The following CUL5 variants were observed in gnomAD, a reference collection of about 807,000 sequenced individuals.
The protein encoded by CUL5 is cullin 5.
In CUL5, 26 loss-of-function variants were observed where a neutral mutation model predicts 108.8. The observed-to-expected ratio is 0.24, with a 90% CI of 0.18 to 0.33. The LOEUF (loss-of-function observed/expected upper bound fraction) is 0.33, where lower values mean the gene tolerates loss of function less well. Among genes scored for constraint, CUL5 ranks in the 10% least tolerant of loss-of-function variants. The pLI is 1.00. For synonymous variants in CUL5, 334 were observed against 298.0 expected, an observed-to-expected ratio of 1.12 and a Z score of -1.25; for missense variants, 524 against 909.2, an observed-to-expected ratio of 0.58 and a Z score of 5.45.
chr11:108,105,111 A>G lies in CUL5; in HGVS notation c.*727A>G, dbSNP rs1229351588. 1.3e-5 allele frequency: 2 copies of G among 152,254 alleles called. No homozygotes were observed. The highest frequency in any genetic ancestry group is 4.8e-5 in the African/African-American group (2 of 41,368). 9.4% of individuals were successfully genotyped at this position (152,254 alleles called of 1,614,324 possible). A position where few individuals can be genotyped will look rare whatever the true frequency, so the allele number is the denominator to read the frequency against. ...ATGGCTGGAAAGCTTGTTTTGAAAAATGAAGCTTATATTAATTGTTGCTTC... is the reference window on the plus strand; with the variant it reads ...ATGGCTGGAAAGCTTGTTTTGAAAAGTGAAGCTTATATTAATTGTTGCTTC... On this transcript the variant is annotated 3_prime_UTR_variant, in exon 19 of 19. Transcript: ENST00000393094.
intron 2 of CUL5, among the ~76,000 whole-genome samples, chr11:108,039,789 A>C (rs939675623): frequency 4.6e-5 from 7 of 152,130 alleles, no homozygotes; most frequent in African/African-American, 1.4e-4. Flanking sequence ...GTTATGACTG[A>C]TATTCTTGCT....
chr11:108,033,391 C>T (rs923363624), intron 1 of CUL5, among the ~76,000 whole-genome samples: 1 of 152,178 alleles, frequency 6.6e-6, no homozygotes, highest in African/African-American at 2.4e-5. Context: ...TATTGTTCGT[C>T]TTCCCAGTTG....
chr11:108,020,535 ATTTTTTTTTTTTTG>A (rs939671253), intron 1 of CUL5, among the ~76,000 whole-genome samples: 3 of 148,188 alleles, frequency 2.0e-5, no homozygotes, highest in Admixed American at 1.3e-4. Context: ...TGTGTTTGTG[ATTTTTTTTTTTTTG>A]TTTTTTGTTT....
intron 13 of CUL5, among the ~76,000 whole-genome samples, chr11:108,092,663 G>A (rs1433618348): frequency 6.6e-6 from 1 of 152,212 alleles, no homozygotes; most frequent in African/African-American, 2.4e-5. Flanking sequence ...AATTCCAGGA[G>A]TTGGGGCCAG....
chr11:108,071,653 C>A (rs909639036), intron 8 of CUL5, among the ~76,000 whole-genome samples: 9 of 152,102 alleles, frequency 5.9e-5, no homozygotes, highest in Non-Finnish European at 1.3e-4. Context: ...CTTAGGCATT[C>A]CTCACACTTC....
At chr11:108,084,072 C>G (rs1864167080) in intron 11 of CUL5, among the ~76,000 whole-genome samples, 1 of 152,072 alleles carries the variant, frequency 6.6e-6, no homozygotes, top group African/African-American at 2.4e-5. Flanking sequence ...CAGTGTGGCC[C>G]AGGGAAGCCA....
At chr11:108,083,676 A>G (rs1864153989) in intron 11 of CUL5, among the ~76,000 whole-genome samples, 1 of 152,172 alleles carries the variant, frequency 6.6e-6, no homozygotes, top group African/African-American at 2.4e-5. Flanking sequence ...CTGTAGTCCT[A>G]GCTATTCAGG....
Position 108,070,154 on chromosome 11 carries a change from A to C in CUL5, c.839A>C (p.Glu280Ala), listed in dbSNP as rs1429355373. Residue 280 changes from glutamate (E) to alanine (A), a missense_variant, in exon 8 of 19, where the codon GAG (glutamate) becomes GCG (alanine). Physicochemically the swap from Glu to Ala is moderately radical, Grantham distance 107. Coordinates refer to ENST00000393094, the MANE Select transcript of CUL5 (RefSeq NM_003478.6). ...TCATTTAAAGAGACTATCTTAGCTG[A>C]GTGCCAAGGCATGATCAAGAGAAAT... The part of the protein sequence containing the change: ...VTSFKETILA[E>A]CQGMIKRNET... 10 of 1,612,490 alleles carry C rather than the reference A, an allele frequency of 6.2e-6. No homozygotes were observed. Among genetic ancestry groups the C allele is most frequent in the Non-Finnish European group, 7.6e-6 (9 of 1,178,956 alleles).
intron 13 of CUL5, among the ~76,000 whole-genome samples, chr11:108,090,914 G>T (rs1273263643): frequency 1.3e-5 from 2 of 152,142 alleles, no homozygotes; most frequent in African/African-American, 4.8e-5. Flanking sequence ...TGATTATTCT[G>T]TGACTTTTTA....
intron 3 of CUL5, among the ~76,000 whole-genome samples, chr11:108,048,322 T>C (rs1262799476): frequency 1.3e-5 from 2 of 152,176 alleles, no homozygotes; most frequent in African/African-American, 4.8e-5. Context: ...ACAACTGTTT[T>C]ATTTGTTCAC....
chr11:108,096,092 G>A lies in CUL5; in HGVS notation c.1905+401G>A, dbSNP rs189036373. Among the ~76,000 whole-genome samples, 389 of 146,090 alleles carry A rather than the reference G, an allele frequency of 2.7e-3. 2 individuals carry two copies. The highest frequency in any genetic ancestry group is 9.5e-3 in the African/African-American group (375 of 39,462). On this transcript the variant is annotated intron_variant, in intron 16 of 18. Coordinates refer to ENST00000393094, the MANE Select transcript of CUL5 (RefSeq NM_003478.6). ...GCCCAGGCAACAGAGTGAGAACTCC[G>A]TCTGAAAAAAAAAAAAAATTATGCA...
chr11:108,076,097 A>C (rs1260595748), intron 10 of CUL5, among the ~76,000 whole-genome samples: 1 of 152,146 alleles, frequency 6.6e-6, no homozygotes, highest in African/African-American at 2.4e-5. Flanking sequence ...CAGTGGCACA[A>C]CATGGCTCAC....
intron 7 of CUL5, 59 bp downstream of exon 7, chr11:108,055,014 A>T (rs1001866223): frequency 8.7e-7 from 1 of 1,147,554 alleles, no homozygotes; most frequent in Non-Finnish European, 1.3e-6. Context: ...AAGCATAGGA[A>T]TGGCAAATAA....
chr11:108,063,256 A>G (rs1262676868), intron 7 of CUL5, among the ~76,000 whole-genome samples: 1 of 152,100 alleles, frequency 6.6e-6, no homozygotes, highest in African/African-American at 2.4e-5. Flanking sequence ...CATGAGTTCA[A>G]TTGTTTTAAT....
chr11:108,050,916 C>T (rs1205603823), intron 4 of CUL5, among the ~76,000 whole-genome samples: 1 of 152,160 alleles, frequency 6.6e-6, no homozygotes, highest in Non-Finnish European at 1.5e-5. Context: ...CCTAGGTTTC[C>T]CTTTCAGCTC....
chr11:108,088,666 G>T lies in CUL5; in HGVS notation c.1311+7G>T, dbSNP rs559488549. 8 of 1,567,574 alleles carry T rather than the reference G, an allele frequency of 5.1e-6. No individual in the cohort carries two copies. In the African/African-American group the frequency reaches 6.9e-5, roughly 14 times the overall value. On this transcript the variant is annotated splice_region_variant and intron_variant, in intron 12 of 18. Transcript: ENST00000393094. ...AGCAAAGCTTAAAGAAGTGGTACAT[G>T]AATTTTTTGTATTTCAACTTTTAAA...
intron 4 of CUL5, among the ~76,000 whole-genome samples, 178 bp from the exon 5 acceptor site, chr11:108,052,482 G>C (rs1163767427): frequency 6.6e-6 from 1 of 151,930 alleles, no homozygotes; most frequent in Non-Finnish European, 1.5e-5. Context: ...GGCTGGTCTT[G>C]AACTCATAGA....
intron 1 of CUL5, among the ~76,000 whole-genome samples, chr11:108,032,585 C>G (rs1187238101): frequency 3.3e-5 from 5 of 151,732 alleles, no homozygotes; most frequent in Non-Finnish European, 5.9e-5. Context: ...TATGGGGTCT[C>G]TCTCTCTCTC....
At chr11:108,075,789 G>T (rs1328962240) in intron 10 of CUL5, among the ~76,000 whole-genome samples, 1 of 152,008 alleles carries the variant, frequency 6.6e-6, no homozygotes, top group East Asian at 1.9e-4. Flanking sequence ...CAAAGTTCTG[G>T]GATTATAGAC....
Sources: allele counts gnomAD v4.1 joint callset (sites outside exome capture counted in the v4.1 genomes callset), GRCh38; gene constraint gnomAD v4.1.1; transcripts MANE v1.5; gene names NCBI Gene and HGNC (gene_info 2026-07-23, HGNC 2026-07-21).